The following MMGT1 variants were observed in gnomAD, a reference collection of about 807,000 sequenced individuals.
MMGT1 encodes membrane magnesium transporter 1, also known as ER membrane protein complex subunit 5.
MMGT1 carries 2 observed loss-of-function variants against 11.7 expected under a neutral mutation model. The observed-to-expected ratio is 0.17, with a 90% CI of 0.07 to 0.54. The LOEUF is 0.54. Ranked by LOEUF, MMGT1 falls within the 20% of genes least tolerant of loss-of-function variation. MMGT1 has a pLI of 0.94. For synonymous variants in MMGT1, 49 were observed against 44.4 expected, an observed-to-expected ratio of 1.10 and a Z score of -0.41; for missense variants, 74 against 109.0, an observed-to-expected ratio of 0.68 and a Z score of 1.43.
chrX:135,965,854 G>A (rs1333398080), intron 3 of MMGT1, among the ~76,000 whole-genome samples: 1 of 112,087 alleles, frequency 8.9e-6, no homozygotes, highest in East Asian at 2.8e-4. Context: ...TTACAGCTTT[G>A]ATTATTCTCA....
At chrX:135,972,651 C>A (rs2089226002) in intron 1 of MMGT1, among the ~76,000 whole-genome samples, 1 of 112,187 alleles carries the variant, frequency 8.9e-6, no homozygotes, top group African/African-American at 3.2e-5. Context: ...TAGAAAATGA[C>A]ACAGTACTCC....
Position 135,973,783 on chromosome X carries a change from C to CA in MMGT1, c.-109_-108insT. The CA allele has an allele frequency of 1.7e-6, 2 of 1,165,299 alleles. No individual in the cohort carries two copies. Among genetic ancestry groups the CA allele is most frequent in the Non-Finnish European group, 2.3e-6 (2 of 872,421 alleles). On this transcript the variant is annotated 5_prime_UTR_variant, in exon 1 of 4. Transcript: ENST00000305963. ...CGCAGAAAGATGACGTCACTGAAGTCCTGAGCGCAAAGTGTCTCAGTGGTG... is the reference window on the plus strand; with the variant it reads ...CGCAGAAAGATGACGTCACTGAAGTCACTGAGCGCAAAGTGTCTCAGTGGTG...
At position 135,973,149 on chromosome X, in the gene MMGT1, T is replaced by C. The variant is rs144703056; in HGVS notation, c.79+448A>G. 6.9e-3 allele frequency among the ~76,000 whole-genome samples: 773 copies of C among 111,973 alleles called. 12 individuals carry two copies. The highest frequency in any genetic ancestry group is 0.021 in the African/African-American group (647 of 30,809). The stretch of plus-strand genomic sequence containing the variant: ...CCTTTAGACTCCCAGTCCAGTGCTC[T>C]TTCTCCTGTACCACAGTGCCTCCCT... On this transcript the variant is annotated intron_variant, in intron 1 of 3. Transcript: ENST00000305963.
At position 135,962,811 on chromosome X, in the gene MMGT1, T is replaced by C. The variant is rs1603170961; in HGVS notation, c.*2213A>G. The C allele has an allele frequency of 8.9e-6, 1 of 112,022 alleles. No homozygotes were observed. Among genetic ancestry groups the C allele is most frequent in the Middle Eastern group, 4.7e-3 (1 of 215 alleles). The allele number at this position is 112,022 out of a possible 1,213,427, so 9.2% of individuals were successfully genotyped here. ...AGATTTCAACATCCATTCTAGAGAC[T>C]AGCCACAGTATTATAAGTAGTAATA... is the stretch of plus-strand genomic sequence containing the variant. On this transcript the variant is annotated 3_prime_UTR_variant, in exon 4 of 4. Transcript: ENST00000305963.
In MMGT1 at chrX:135,962,769, C is replaced by A. The variant is rs181586496; in HGVS notation, c.*2255G>T. On this transcript the variant is annotated 3_prime_UTR_variant, in exon 4 of 4. Coordinates refer to ENST00000305963, the MANE Select transcript of MMGT1 (RefSeq NM_173470.3). Reference sequence around the variant, plus strand: ...TAGCCTGATTTTTAGCAGGACTCTTCCCGACTGAGGAGGCAAAGATTTCAA... The same window carrying A: ...TAGCCTGATTTTTAGCAGGACTCTTACCGACTGAGGAGGCAAAGATTTCAA... The A allele has an allele frequency of 2.7e-5, 3 of 112,108 alleles. No individual in the cohort carries two copies. The highest frequency in any genetic ancestry group is 9.5e-5 in the Admixed American group (1 of 10,544). 9.2% of individuals were successfully genotyped at this position (112,108 alleles called of 1,213,427 possible). A position where few individuals can be genotyped will look rare whatever the true frequency, so the allele number is the denominator to read the frequency against.
intron 2 of MMGT1, among the ~76,000 whole-genome samples, chrX:135,970,599 T>G (rs1429064840): frequency 8.9e-6 from 1 of 111,804 alleles, no homozygotes; most frequent in Non-Finnish European, 1.9e-5. Context: ...ATCTTTGAGC[T>G]TTATGAGTGA....
At chrX:135,970,513 A>G (rs782175203) in intron 2 of MMGT1, among the ~76,000 whole-genome samples, 1 of 112,648 alleles carries the variant, frequency 8.9e-6, no homozygotes, top group Non-Finnish European at 1.9e-5. Context: ...AGTCCATCCC[A>G]TACTATGGAC....
At chrX:135,970,079 T>C (rs1556612448) in intron 2 of MMGT1, among the ~76,000 whole-genome samples, 1 of 112,136 alleles carries the variant, frequency 8.9e-6, no homozygotes, top group Non-Finnish European at 1.9e-5. Flanking sequence ...AAAAACACTT[T>C]CCTGGTCGGG....
chrX:135,969,119 C>A (rs1372801026), intron 2 of MMGT1, among the ~76,000 whole-genome samples: 2 of 94,837 alleles, frequency 2.1e-5, no homozygotes, highest in African/African-American at 7.7e-5. Context: ...GAAAAAAGTT[C>A]TTTAAAATAG....
At position 135,962,851 on chromosome X, in the gene MMGT1, G is replaced by A. The variant is rs1032333249; in HGVS notation, c.*2173C>T. 2.5e-4 allele frequency: 28 copies of A among 111,590 alleles called. No homozygotes were observed. The highest frequency in any genetic ancestry group is 8.8e-4 in the African/African-American group (27 of 30,698). The allele number at this position is 111,590 out of a possible 1,213,427, so 9.2% of individuals were successfully genotyped here. On this transcript the variant is annotated 3_prime_UTR_variant, in exon 4 of 4. Transcript: ENST00000305963. ...AAGTAGTAATATATCATAAATGCTT[G>A]GTTATGAGGAAAAACTACTCAGCAT...
chrX:135,963,543 G>C lies in MMGT1; in HGVS notation c.*1481C>G, dbSNP rs937639680. 5.4e-5 allele frequency: 6 copies of C among 112,070 alleles called. No homozygotes were observed. Among genetic ancestry groups the C allele is most frequent in the Non-Finnish European group, 7.5e-5 (4 of 53,192 alleles). The allele number at this position is 112,070 out of a possible 1,213,427, so 9.2% of individuals were successfully genotyped here. Reference sequence around the variant, plus strand: ...CTAACTTTGTTCTCATTAGAGAGCAGAGTCAGTGTTCCGCAGACAGACTGG... The same window carrying C: ...CTAACTTTGTTCTCATTAGAGAGCACAGTCAGTGTTCCGCAGACAGACTGG... On this transcript the variant is annotated 3_prime_UTR_variant, in exon 4 of 4. Coordinates refer to ENST00000305963, the MANE Select transcript of MMGT1 (RefSeq NM_173470.3).
intron 1 of MMGT1, among the ~76,000 whole-genome samples, chrX:135,972,499 G>A (rs1370658568): frequency 1.8e-5 from 2 of 112,068 alleles, no homozygotes; most frequent in Non-Finnish European, 3.8e-5. Flanking sequence ...TAGCTTGCTA[G>A]TTTGCATGAA....
intron 1 of MMGT1, among the ~76,000 whole-genome samples, chrX:135,971,757 T>C (rs1327466748): frequency 2.7e-5 from 3 of 111,824 alleles, no homozygotes; most frequent in Non-Finnish European, 5.6e-5. Context: ...TAGTTAATTA[T>C]AATTCCGCTG....
chrX:135,964,439 G>C lies in MMGT1; in HGVS notation c.*585C>G, dbSNP rs1484634406. ...GAATCTCAGAGAAATGATGAAACAA[G>C]ACAGCTGATGGTAGAAGGTATATGG... On this transcript the variant is annotated 3_prime_UTR_variant, in exon 4 of 4. Transcript: ENST00000305963. 8.9e-6 allele frequency: 1 copy of C among 112,770 alleles called. No individual in the cohort carries two copies. Among genetic ancestry groups the C allele is most frequent in the Non-Finnish European group, 1.9e-5 (1 of 53,322 alleles). 9.3% of individuals were successfully genotyped at this position (112,770 alleles called of 1,213,427 possible).
At chrX:135,967,927 G>A (rs2089195571) in intron 2 of MMGT1, among the ~76,000 whole-genome samples, 1 of 110,392 alleles carries the variant, frequency 9.1e-6, no homozygotes, top group South Asian at 3.8e-4. Flanking sequence ...GTGCAATCTC[G>A]GCTCACTGCA....
rs1267311901 is a variant in MMGT1 at position 135,973,871 on chromosome X, C to G, written c.-196G>C. The G allele has an allele frequency of 7.8e-6, 9 of 1,152,169 alleles. No individual in the cohort carries two copies. In the Admixed American group the frequency reaches 1.9e-4, roughly 24 times the overall value. The allele number at this position is 1,152,169 out of a possible 1,213,427, so 95.0% of individuals were successfully genotyped here. Reference sequence around the variant, plus strand: ...TGCCGGGAAGAAGCAGAAAGCTACACGGAAAAAGGTCCGCGAGAACCCACG... The same window carrying G: ...TGCCGGGAAGAAGCAGAAAGCTACAGGGAAAAAGGTCCGCGAGAACCCACG... On this transcript the variant is annotated 5_prime_UTR_variant, in exon 1 of 4. Coordinates refer to ENST00000305963, the MANE Select transcript of MMGT1 (RefSeq NM_173470.3).
chrX:135,966,357 C>G (rs1400381883), intron 3 of MMGT1, among the ~76,000 whole-genome samples: 4 of 111,980 alleles, frequency 3.6e-5, no homozygotes, highest in African/African-American at 1.3e-4. Flanking sequence ...ACTTTGGGAA[C>G]CCAAGGCGGG....
intron 3 of MMGT1, among the ~76,000 whole-genome samples, chrX:135,965,755 A>C (rs1231088794): frequency 9.0e-6 from 1 of 111,481 alleles, no homozygotes; most frequent in Non-Finnish European, 1.9e-5. Context: ...TATGAATAAC[A>C]ACACAAATAC....
Position 135,967,409 on chromosome X carries a change from T to A in MMGT1, c.217A>T (p.Thr73Ser). The change falls in exon 3 of 4, where the codon ACT becomes TCT. Residue 73 changes from threonine to serine, a missense_variant. By Grantham distance (58) the Thr-to-Ser change is moderately conservative (BLOSUM62 1). This residue lies in a region of MMGT1 where 40 missense variants were observed against 79.6 expected (regional missense o/e 0.50). Coordinates refer to ENST00000305963, the MANE Select transcript of MMGT1 (RefSeq NM_173470.3). ...ACTTACTTATTTTTCAGTTCTGAAGTGGCATCCATGTCTTTAAACTCTCCT... is the reference window on the plus strand; with the variant it reads ...ACTTACTTATTTTTCAGTTCTGAAGAGGCATCCATGTCTTTAAACTCTCCT... The part of the protein sequence containing the change: ...IAGEFKDMDA[T>S]SELKNKTFDT... 8.5e-7 allele frequency: 1 copy of A among 1,177,874 alleles called. No homozygotes were observed. Among genetic ancestry groups the A allele is most frequent in the Non-Finnish European group, 1.2e-6 (1 of 868,969 alleles).
Sources: allele counts gnomAD v4.1 joint callset (sites outside exome capture counted in the v4.1 genomes callset), GRCh38; gene constraint gnomAD v4.1.1; regional missense constraint gnomAD v4.1.1; transcripts MANE v1.5; gene names NCBI Gene and HGNC (gene_info 2026-07-23, HGNC 2026-07-21).